The following BANP variants were observed in gnomAD, a reference collection of about 807,000 sequenced individuals.
The protein encoded by BANP is BTG3 associated nuclear protein.
BANP carries 11 observed loss-of-function variants against 68.1 expected under a neutral mutation model. That is an observed-to-expected ratio of 0.16 (90% CI 0.10 to 0.27). The LOEUF (loss-of-function observed/expected upper bound fraction) is 0.27, where lower values mean the gene tolerates loss of function less well. BANP is among the 10% of genes least tolerant of loss of function. The pLI, the probability that BANP is intolerant of heterozygous loss-of-function variation, is 1.00. For synonymous variants in BANP, 329 were observed against 303.2 expected, an observed-to-expected ratio of 1.09 and a Z score of -0.88; for missense variants, 504 against 722.7, an observed-to-expected ratio of 0.70 and a Z score of 3.47.
intron 13 of BANP, among the ~76,000 whole-genome samples, chr16:88,074,237 G>T (rs899304638): frequency 1.3e-5 from 2 of 152,208 alleles, no homozygotes; most frequent in East Asian, 1.9e-4. Flanking sequence ...CTTGGGAATG[G>T]TCTTGCATCT....
chr16:88,066,678 A>G (rs567540811), intron 12 of BANP, among the ~76,000 whole-genome samples: 1 of 152,366 alleles, frequency 6.6e-6, no homozygotes, highest in South Asian at 2.1e-4. Context: ...AGGAAACTAG[A>G]AGTTTCTGTT....
At chr16:88,065,489 G>T (rs375753817) in intron 12 of BANP, among the ~76,000 whole-genome samples, 157 bp downstream of exon 12, 3 of 152,344 alleles carry the variant, frequency 2.0e-5, no homozygotes, top group Non-Finnish European at 2.9e-5. Flanking sequence ...AGATCCCTTT[G>T]CCCATGTAAA....
intron 6 of BANP, among the ~76,000 whole-genome samples, chr16:88,014,281 C>T (rs1357624983): frequency 3.3e-5 from 5 of 152,122 alleles, no homozygotes; most frequent in African/African-American, 1.2e-4. Flanking sequence ...TGGGTCTGGA[C>T]ATTTGCACAC....
intron 4 of BANP, among the ~76,000 whole-genome samples, chr16:87,999,153 T>C (rs2068293561): frequency 7.2e-6 from 1 of 139,278 alleles, no homozygotes; most frequent in Non-Finnish European, 1.5e-5. Context: ...TGGCTGTACT[T>C]ACCTGTCCTT....
intron 3 of BANP, among the ~76,000 whole-genome samples, chr16:87,981,461 G>A (rs1352970209): frequency 1.3e-5 from 2 of 152,082 alleles, no homozygotes; most frequent in African/African-American, 2.4e-5. Context: ...TGGATTTAAG[G>A]CCCACCCTAA....
upstream of BANP, among the ~76,000 whole-genome samples, chr16:87,951,226 G>A (rs2056777816): frequency 6.6e-6 from 1 of 152,144 alleles, no homozygotes. Flanking sequence ...GGGCGTGGGC[G>A]AAAAACGGGG....
intron 4 of BANP, among the ~76,000 whole-genome samples, chr16:87,985,213 C>T (rs544996392): frequency 1.3e-5 from 2 of 152,222 alleles, no homozygotes; most frequent in African/African-American, 4.8e-5. Flanking sequence ...GCTGTGCTGG[C>T]CGAAGCAGTG....
At chr16:87,983,325 A>G (rs964208502) in intron 3 of BANP, among the ~76,000 whole-genome samples, 8 of 152,046 alleles carry the variant, frequency 5.3e-5, no homozygotes, top group Non-Finnish European at 7.4e-5. Flanking sequence ...GCACAGTGCA[A>G]TTCCTGTGTG....
At chr16:87,992,668 C>A (rs1271588241) in intron 4 of BANP, among the ~76,000 whole-genome samples, 2 of 151,818 alleles carry the variant, frequency 1.3e-5, no homozygotes. Flanking sequence ...GTAGCGGGCG[C>A]CTGTAGTCTC....
intron 6 of BANP, among the ~76,000 whole-genome samples, chr16:88,016,231 G>A (rs1453810598): frequency 6.6e-6 from 1 of 152,272 alleles, no homozygotes; most frequent in Non-Finnish European, 1.5e-5. Context: ...TCCCGTCCAT[G>A]CAGGAGAAGC....
chr16:87,985,714 G>A (rs114391544), intron 4 of BANP, among the ~76,000 whole-genome samples: 1 of 152,176 alleles, frequency 6.6e-6, no homozygotes, highest in Admixed American at 6.5e-5. Flanking sequence ...GTCCCACCTG[G>A]TATGTTGCGT....
chr16:88,053,707 ATC>A (rs2084025323), intron 11 of BANP, among the ~76,000 whole-genome samples: 1 of 149,908 alleles, frequency 6.7e-6, no homozygotes, highest in African/African-American at 2.5e-5. Flanking sequence ...CTCCATCATC[ATC>A]ATCACCAACA....
chr16:88,043,194 A>C (rs1256535917), intron 11 of BANP, among the ~76,000 whole-genome samples: 1 of 152,174 alleles, frequency 6.6e-6, no homozygotes, highest in Admixed American at 6.5e-5. Flanking sequence ...CAGGGAAGCC[A>C]AACAGCCACT....
intron 4 of BANP, among the ~76,000 whole-genome samples, chr16:87,990,493 G>C (rs1416259355): frequency 1.3e-5 from 2 of 152,200 alleles, no homozygotes; most frequent in Non-Finnish European, 2.9e-5. Context: ...GAGCACAAGA[G>C]GTCTTGGCCA....
rs184892496 is a variant in BANP at position 88,040,023 on chromosome 16, T to C, written c.1311+2012T>C. On this transcript the variant is annotated intron_variant, in intron 11 of 13. Transcript: ENST00000682872. ...TTTTTGTCCGCCTTGTGAACTCTCA[T>C]ACGCTCCTGATTCCTATTATCGGTC... Among the ~76,000 whole-genome samples, 215 of 152,334 alleles carry C rather than the reference T, an allele frequency of 1.4e-3. 2 individuals are homozygous for C. The highest frequency in any genetic ancestry group is 5.1e-3 in the African/African-American group (212 of 41,570).
At chr16:88,035,466 C>T in intron 10 of BANP, 72 bp downstream of exon 10, 2 of 1,412,892 alleles carry the variant, frequency 1.4e-6, no homozygotes, top group Non-Finnish European at 9.8e-7. Flanking sequence ...TCATCGGTGT[C>T]ACAGTGCGAG....
chr16:88,076,754 C>A lies in BANP; in HGVS notation c.*93C>A. The A allele has an allele frequency of 9.4e-7, 1 of 1,064,266 alleles. No individual in the cohort carries two copies. Among genetic ancestry groups the A allele is most frequent in the Non-Finnish European group, 1.3e-6 (1 of 749,372 alleles). The allele number at this position is 1,064,266 out of a possible 1,614,324, so 65.9% of individuals were successfully genotyped here. On this transcript the variant is annotated 3_prime_UTR_variant, in exon 14 of 14. Transcript: ENST00000682872. ...CTCACGGCCTCGGCACAGGCAGCGGCTGCACGTGTTCTGCTGAAGTGCGTC... is the reference window on the plus strand; with the variant it reads ...CTCACGGCCTCGGCACAGGCAGCGGATGCACGTGTTCTGCTGAAGTGCGTC...
At chr16:87,952,498 AAAT>A (rs2057150177) in intron 1 of BANP, 1 of 152,248 alleles carries the variant, frequency 6.6e-6, no homozygotes, top group African/African-American at 2.4e-5. Context: ...GCACTACAGT[AAAT>A]AATTGATAAG....
intron 11 of BANP, among the ~76,000 whole-genome samples, chr16:88,055,028 A>G (rs56305047): frequency 0.094 from 14,317 of 152,096 alleles, 1,532 homozygotes; most frequent in African/African-American, 0.26. Flanking sequence ...AGGCTTGATT[A>G]TTAATCATGC....
Sources: gnomAD v4.1 joint callset for allele counts (sites outside exome capture counted in the v4.1 genomes callset) on GRCh38, gnomAD v4.1.1 for gene constraint, MANE v1.5 for transcripts, NCBI Gene and HGNC (gene_info 2026-07-23, HGNC 2026-07-21) for gene names.